Variants in C1orf185 observed in about 807,000 individuals in gnomAD.
C1orf185 encodes the protein chromosome 1 open reading frame 185, also known as uncharacterized protein C1orf185.
In C1orf185, 13 loss-of-function variants were observed where a neutral mutation model predicts 16.1. The observed-to-expected ratio is 0.81, with a 90% confidence interval of 0.53 to 1.28. C1orf185 has a LOEUF of 1.28. Ranked by LOEUF, C1orf185 falls within the 50% of genes most tolerant of loss-of-function variation. The pLI is 0.00. For missense variants in C1orf185, 220 were observed against 225.2 expected (o/e 0.98, Z 0.15); for synonymous variants, 80 against 76.9 (o/e 1.04, Z -0.21).
chr1:51,147,957 T>A lies in C1orf185; in HGVS notation c.*186T>A, dbSNP rs1487159553. 6.0e-6 allele frequency: 3 copies of A among 498,880 alleles called. No individual in the cohort carries two copies. Among genetic ancestry groups the A allele is most frequent in the African/African-American group, 1.9e-5 (1 of 51,548 alleles). The allele number at this position is 498,880 out of a possible 1,614,324, so 30.9% of individuals were successfully genotyped here. On this transcript the variant is annotated 3_prime_UTR_variant, in exon 5 of 5. Transcript: ENST00000371759. ...TTTGTTCTTTACCATAGAGCGGCTCTACTTCCCTTGCTGGTTCTTATTTCT... is the reference window on the plus strand; with the variant it reads ...TTTGTTCTTTACCATAGAGCGGCTCAACTTCCCTTGCTGGTTCTTATTTCT...
chr1:51,147,921 A>G lies in C1orf185; in HGVS notation c.*150A>G. The G allele has an allele frequency of 1.4e-6, 1 of 698,194 alleles. No homozygotes were observed. The highest frequency in any genetic ancestry group is 2.2e-6 in the Non-Finnish European group (1 of 453,854). 43.2% of individuals were successfully genotyped at this position (698,194 alleles called of 1,614,324 possible). ...TGAGTCTCTTAACATGTCCATGCTA[A>G]TATTGCTTTTTTTGTTCTTTACCAT... On this transcript the variant is annotated 3_prime_UTR_variant, in exon 5 of 5. Transcript: ENST00000371759.
intron 1 of C1orf185, 122 bp downstream of exon 1, chr1:51,102,371 C>A (rs1026899882): frequency 8.1e-6 from 5 of 613,848 alleles, no homozygotes; most frequent in Non-Finnish European, 1.5e-5. Flanking sequence ...ATAAGAAATA[C>A]TTGAATCATG....
intron 3 of C1orf185, among the ~76,000 whole-genome samples, chr1:51,137,844 A>G (rs549644569): frequency 3.9e-5 from 6 of 152,386 alleles, no homozygotes; most frequent in African/African-American, 9.6e-5. Context: ...GATATGGTAC[A>G]TATACATTAT....
At chr1:51,113,124 T>C (rs1646134775) in intron 2 of C1orf185, among the ~76,000 whole-genome samples, 1 of 152,018 alleles carries the variant, frequency 6.6e-6, no homozygotes, top group Non-Finnish European at 1.5e-5. Flanking sequence ...CGGCCTTTAT[T>C]TTCTAGAAGA....
intron 3 of C1orf185, among the ~76,000 whole-genome samples, chr1:51,139,967 C>T (rs140010089): frequency 2.8e-3 from 430 of 152,232 alleles, no homozygotes; most frequent in Non-Finnish European, 4.4e-3. Flanking sequence ...CAGTGTTGGC[C>T]CTTAAAGCTT....
At chr1:51,129,501 T>C (rs2148023075) in intron 3 of C1orf185, among the ~76,000 whole-genome samples, 2 of 152,290 alleles carry the variant, frequency 1.3e-5, no homozygotes, top group South Asian at 2.1e-4. Context: ...AACCTTGAAC[T>C]CATGGACTCA....
intron 3 of C1orf185, among the ~76,000 whole-genome samples, chr1:51,143,395 C>T (rs755462851): frequency 2.6e-5 from 4 of 152,146 alleles, no homozygotes; most frequent in Non-Finnish European, 5.9e-5. Flanking sequence ...ATTACCACTA[C>T]GGATTCGTGG....
downstream of C1orf185, among the ~76,000 whole-genome samples, chr1:51,151,307 C>A (rs7524296): frequency 3.6e-3 from 543 of 152,140 alleles, 1 homozygote; most frequent in Non-Finnish European, 4.4e-3. Flanking sequence ...AACTACTTTT[C>A]GGATTGGGGT....
intron 2 of C1orf185, among the ~76,000 whole-genome samples, chr1:51,118,186 C>CT (rs1646171294): frequency 1.3e-5 from 2 of 152,222 alleles, no homozygotes; most frequent in Non-Finnish European, 2.9e-5. Flanking sequence ...TCCCAAAGTG[C>CT]TGGGATTACA....
chr1:51,137,728 T>A (rs1368411209), intron 3 of C1orf185, among the ~76,000 whole-genome samples: 1 of 152,130 alleles, frequency 6.6e-6, no homozygotes, highest in Non-Finnish European at 1.5e-5. Flanking sequence ...TATAAATTGT[T>A]AGATTATAAA....
rs549762813 is a variant in C1orf185, at chr1:51,147,643, G to A, written c.472G>A (p.Asp158Asn). The change falls in exon 5 of 5, where the codon GAT (aspartate) becomes AAT (asparagine). Residue 158 changes from aspartate to asparagine, a missense_variant. Coordinates refer to ENST00000371759, the MANE Select transcript of C1orf185 (RefSeq NM_001136508.2). ...AGCAGCTGATGACTGGTTTTCTGAT[G>A]ATTCTCTAGTGAAAAGGAACTCTCC... is the stretch of plus-strand genomic sequence containing the variant. ...IEAADDWFSDDSLVKRNSPMP... is the reference protein window; with the variant it reads ...IEAADDWFSDNSLVKRNSPMP... The A allele has an allele frequency of 1.3e-5, 20 of 1,551,486 alleles. 1 individual carries two copies. The African/African-American group carries it at 1.5e-4, about 12-fold the overall frequency.
Position 51,145,740 on chromosome 1 carries a change from A to G in C1orf185, c.275A>G (p.Lys92Arg). The change falls in exon 4 of 5, where the codon AAG becomes AGG. Residue 92 changes from lysine to arginine, a missense_variant. Transcript: ENST00000371759. ...TTAATGTAGGAGGAGCAAAGAAAAA[A>G]GGAAGCAGCACATATAAAAGGTATT... The part of the protein sequence containing the change: ...RFQLQEEQRK[K>R]EAAHIKAIKD... 4 of 1,315,902 alleles carry G rather than the reference A, an allele frequency of 3.0e-6. No homozygotes were observed. Among genetic ancestry groups the G allele is most frequent in the South Asian group, 1.5e-5 (1 of 68,560 alleles). 81.5% of individuals were successfully genotyped at this position (1,315,902 alleles called of 1,614,324 possible).
intron 3 of C1orf185, among the ~76,000 whole-genome samples, chr1:51,139,746 G>A (rs990653085): frequency 1.3e-5 from 2 of 151,986 alleles, no homozygotes; most frequent in African/African-American, 4.8e-5. Flanking sequence ...CATTATCATC[G>A]TTTTTGTATT....
At chr1:51,149,367 A>G (rs1346443897), downstream of C1orf185, among the ~76,000 whole-genome samples, 1 of 152,174 alleles carries the variant, frequency 6.6e-6, no homozygotes, top group Non-Finnish European at 1.5e-5. Flanking sequence ...AGCAAATGTA[A>G]AAGGAGTTAG....
intron 3 of C1orf185, among the ~76,000 whole-genome samples, chr1:51,132,750 A>C (rs1646294844): frequency 6.6e-6 from 1 of 152,124 alleles, no homozygotes; most frequent in Non-Finnish European, 1.5e-5. Flanking sequence ...CCCGAGACAC[A>C]CATAATCATT....
At chr1:51,126,502 C>A (rs527676641) in intron 3 of C1orf185, among the ~76,000 whole-genome samples, 5 of 152,250 alleles carry the variant, frequency 3.3e-5, no homozygotes, top group African/African-American at 1.2e-4. Flanking sequence ...CTCAAGTGAG[C>A]CTCCTGCCTC....
chr1:51,135,018 T>C (rs1233356021), intron 3 of C1orf185, among the ~76,000 whole-genome samples: 1 of 152,168 alleles, frequency 6.6e-6, no homozygotes, highest in Admixed American at 6.5e-5. Flanking sequence ...ATCATCCTGA[T>C]ACCAAAACCT....
rs1419435678 is a variant in C1orf185 at position 51,118,720 on chromosome 1, A to G, written c.177A>G (p.Arg59=). Residue 59 remains arginine (R), a synonymous_variant, in exon 3 of 5, where the codon AGA becomes AGG. Coordinates refer to ENST00000371759, the MANE Select transcript of C1orf185 (RefSeq NM_001136508.2). Reference sequence around the variant, plus strand: ...CAATTGATGAGAGATGCAGGCAAAGACCATCAATGGCGAAGATTAAATCTC... The same window carrying G: ...CAATTGATGAGAGATGCAGGCAAAGGCCATCAATGGCGAAGATTAAATCTC... The part of the protein sequence containing the change: ...FKAIDERCRQ[R]PSMAKIKSHS... The G allele has an allele frequency of 2.0e-6, 3 of 1,492,732 alleles. No individual in the cohort carries two copies. Among genetic ancestry groups the G allele is most frequent in the Non-Finnish European group, 1.8e-6 (2 of 1,112,862 alleles). 92.5% of individuals were successfully genotyped at this position (1,492,732 alleles called of 1,614,324 possible).
In C1orf185 at chr1:51,145,746, C is replaced by T; in HGVS notation, c.281C>T (p.Ala94Val). 1 of 1,309,964 alleles carries T rather than the reference C, an allele frequency of 7.6e-7. No homozygotes were observed. The highest frequency in any genetic ancestry group is 1.0e-6 in the Non-Finnish European group (1 of 966,776). 81.1% of individuals were successfully genotyped at this position (1,309,964 alleles called of 1,614,324 possible). A position where few individuals can be genotyped will look rare whatever the true frequency, so the allele number is the denominator to read the frequency against. Residue 94 changes from alanine to valine, a missense_variant, in exon 4 of 5, where the codon GCA becomes GTA. Transcript: ENST00000371759. ...TAGGAGGAGCAAAGAAAAAAGGAAG[C>T]AGCACATATAAAAGGTATTTTTTCT... is the stretch of plus-strand genomic sequence containing the variant. ...QLQEEQRKKEAAHIKAIKDHS... is the reference protein window; with the variant it reads ...QLQEEQRKKEVAHIKAIKDHS...
Sources: allele counts gnomAD v4.1 joint callset (sites outside exome capture counted in the v4.1 genomes callset), GRCh38; gene constraint gnomAD v4.1.1; transcripts MANE v1.5; gene names NCBI Gene and HGNC (gene_info 2026-07-23, HGNC 2026-07-21).